Variants in NPHP3 observed in about 807,000 individuals in gnomAD.
NPHP3 encodes the protein nephrocystin-3.
Under a neutral mutation model 171.9 loss-of-function variants are expected in NPHP3, and 123 were observed. That is an observed-to-expected ratio of 0.72 (90% CI 0.62 to 0.83). The LOEUF is 0.83. Among genes scored for constraint, NPHP3 ranks in the 40% least tolerant of loss-of-function variants. The pLI is 0.00. For synonymous variants in NPHP3, 558 were observed against 579.2 expected, an observed-to-expected ratio of 0.96 and a Z score of 0.52; for missense variants, 1,506 against 1,591.9, an observed-to-expected ratio of 0.95 and a Z score of 0.92.
At chr3:132,720,358 G>T (rs1186001236) in intron 1 of NPHP3, among the ~76,000 whole-genome samples, 2 of 152,188 alleles carry the variant, frequency 1.3e-5, no homozygotes, top group African/African-American at 2.4e-5. Context: ...GTTTCACAGG[G>T]AATCAGGATT....
intron 9 of NPHP3, among the ~76,000 whole-genome samples, chr3:132,701,882 C>T (rs765478673): frequency 6.6e-6 from 1 of 152,004 alleles, no homozygotes; most frequent in Non-Finnish European, 1.5e-5. Flanking sequence ...CAAAATTAGC[C>T]GAGCGTGGTG....
At chr3:132,721,562 T>A (rs1366992224) in intron 1 of NPHP3, 2 of 324,550 alleles carry the variant, frequency 6.2e-6, no homozygotes, top group South Asian at 4.8e-5. Flanking sequence ...GGGGCGGCAG[T>A]GGAGCTGGAG....
Position 132,684,732 on chromosome 3 carries a change from T to C in NPHP3, c.3392A>G (p.His1131Arg). 2 of 1,614,066 alleles carry C rather than the reference T, an allele frequency of 1.2e-6. No homozygotes were observed. The highest frequency in any genetic ancestry group is 1.1e-5 in the South Asian group (1 of 91,082). Reference sequence around the variant, plus strand: ...ATTCAAAGACTGAGCACAGTCAGGGTGATCTGGTCCTAGAACTCGCTCCCT... The same window carrying C: ...ATTCAAAGACTGAGCACAGTCAGGGCGATCTGGTCCTAGAACTCGCTCCCT... Reference protein sequence around the residue: ...EMRERVLGPDHPDCAQSLNNL... With the variant: ...EMRERVLGPDRPDCAQSLNNL... The change falls in exon 24 of 27, where the codon CAC becomes CGC. Residue 1131 changes from histidine (H) to arginine (R), a missense_variant. Physicochemically the swap from His to Arg is conservative, Grantham distance 29. Coordinates refer to ENST00000337331, the MANE Select transcript of NPHP3 (RefSeq NM_153240.5).
chr3:132,681,926 T>C lies in NPHP3; in HGVS notation c.3977A>G (p.Gln1326Arg), dbSNP rs1299951778. The stretch of plus-strand genomic sequence containing the variant: ...CTGCTGCTATTACCTTTGTCCTTGC[T>C]GAAGGAAAACATTAGGAGAATGAGC... ...KTAHSPNVFL[Q>R]QGQR Residue 1326 changes from glutamine to arginine, a missense_variant, in exon 27 of 27, where the codon CAG (glutamine) becomes CGG (arginine). Coordinates refer to ENST00000337331, the MANE Select transcript of NPHP3 (RefSeq NM_153240.5). 6.2e-7 allele frequency: 1 copy of C among 1,614,070 alleles called. No individual in the cohort carries two copies.
At chr3:132,717,108 A>C in intron 3 of NPHP3, 199 bp from the exon 4 acceptor site, 1 of 557,458 alleles carries the variant, frequency 1.8e-6, no homozygotes. Context: ...TATCATCTCA[A>C]ATTCAAAGAG....
Position 132,690,432 on chromosome 3 carries a change from A to T in NPHP3, c.2693+96T>A. Reference sequence around the variant, plus strand: ...CACTATTTGTATTTCAGATACTTAGACTAATTTTTAAATTAAAAATACCAT... The same window carrying T: ...CACTATTTGTATTTCAGATACTTAGTCTAATTTTTAAATTAAAAATACCAT... On this transcript the variant is annotated intron_variant, in intron 19 of 26. Coordinates refer to ENST00000337331, the MANE Select transcript of NPHP3 (RefSeq NM_153240.5). The T allele has an allele frequency of 6.0e-6, 7 of 1,169,160 alleles. 1 individual carries two copies. In the South Asian group the frequency reaches 9.1e-5, roughly 15 times the overall value. The allele number at this position is 1,169,160 out of a possible 1,614,324, so 72.4% of individuals were successfully genotyped here.
intron 5 of NPHP3, among the ~76,000 whole-genome samples, chr3:132,713,798 T>C (rs770361552): frequency 6.6e-6 from 1 of 152,206 alleles, no homozygotes; most frequent in Non-Finnish European, 1.5e-5. Context: ...AAAATGTCGT[T>C]GGGAATAACA....
chr3:132,694,918 T>C lies in NPHP3; in HGVS notation c.2219A>G (p.Gln740Arg). Reference protein sequence around the residue: ...NLDKILHQCFQCQDTLSLYRL... With the variant: ...NLDKILHQCFRCQDTLSLYRL... Reference sequence around the variant, plus strand: ...ATATAATGAAAGAGTATCTTGACACTGGAAACACTGATGAAGGATTTTATC... The same window carrying C: ...ATATAATGAAAGAGTATCTTGACACCGGAAACACTGATGAAGGATTTTATC... Residue 740 changes from glutamine to arginine, a missense_variant, in exon 16 of 27, where the codon CAG (glutamine) becomes CGG (arginine). Transcript: ENST00000337331. 1 of 1,613,820 alleles carries C rather than the reference T, an allele frequency of 6.2e-7. No individual in the cohort carries two copies. The highest frequency in any genetic ancestry group is 1.3e-5 in the African/African-American group (1 of 75,046).
intron 6 of NPHP3, among the ~76,000 whole-genome samples, chr3:132,710,001 G>A (rs1438481795): frequency 6.6e-6 from 1 of 152,138 alleles, no homozygotes; most frequent in Non-Finnish European, 1.5e-5. Flanking sequence ...ACTGACCCAT[G>A]GGGCTCAGAT....
intron 14 of NPHP3, among the ~76,000 whole-genome samples, 175 bp from the exon 15 acceptor site, chr3:132,696,988 C>A (rs1939471008): frequency 6.6e-6 from 1 of 152,224 alleles, no homozygotes; most frequent in Non-Finnish European, 1.5e-5. Context: ...CTTCCAACTG[C>A]AGACCACAGA....
At chr3:132,696,590 A>G in intron 15 of NPHP3, 141 bp downstream of exon 15, 1 of 758,906 alleles carries the variant, frequency 1.3e-6, no homozygotes, top group Non-Finnish European at 2.4e-6. Flanking sequence ...TGTTCTCACA[A>G]ATGTTAGTAT....
intron 7 of NPHP3, among the ~76,000 whole-genome samples, chr3:132,706,585 G>C (rs923319115): frequency 6.6e-6 from 1 of 152,056 alleles, no homozygotes; most frequent in African/African-American, 2.4e-5. Flanking sequence ...TGCCCAATCT[G>C]TAAGAACATG....
chr3:132,692,790 T>C lies in NPHP3; in HGVS notation c.2339A>G (p.Asn780Ser), dbSNP rs1576666179. 4 of 1,614,036 alleles carry C rather than the reference T, an allele frequency of 2.5e-6. No homozygotes were observed. The highest frequency in any genetic ancestry group is 2.5e-6 in the Non-Finnish European group (3 of 1,179,934). ...QILCLVNVSH[N>S]GVSESELMEL... Reference sequence around the variant, plus strand: ...CATCAGTTCTGATTCACTCACACCATTGTGACTAACATTGACAAGGCAGAG... The same window carrying C: ...CATCAGTTCTGATTCACTCACACCACTGTGACTAACATTGACAAGGCAGAG... Residue 780 changes from asparagine (N) to serine (S), a missense_variant, in exon 17 of 27, where the codon AAT becomes AGT. Coordinates refer to ENST00000337331, the MANE Select transcript of NPHP3 (RefSeq NM_153240.5).
At chr3:132,702,861 G>T (rs765812992) in intron 9 of NPHP3, among the ~76,000 whole-genome samples, 7 of 152,042 alleles carry the variant, frequency 4.6e-5, no homozygotes, top group Non-Finnish European at 1.0e-4. Flanking sequence ...TTAGTTCATG[G>T]TCCCACAGAA....
chr3:132,701,908 C>G (rs1939619367), intron 9 of NPHP3, among the ~76,000 whole-genome samples: 2 of 152,124 alleles, frequency 1.3e-5, no homozygotes, highest in Non-Finnish European at 2.9e-5. Context: ...CGCCTGTAGT[C>G]CCAGCTACTC....
rs1380756803 is a variant in NPHP3, at chr3:132,716,810, T to G, written c.770A>C (p.Glu257Ala). 1 of 1,614,170 alleles carries G rather than the reference T, an allele frequency of 6.2e-7. No homozygotes were observed. The highest frequency in any genetic ancestry group is 8.5e-7 in the Non-Finnish European group (1 of 1,180,012). The change falls in exon 4 of 27, where the codon GAG becomes GCG. Residue 257 changes from glutamate to alanine, a missense_variant. Around this residue, in one of 3 missense-constraint regions of NPHP3, gnomAD observed 930 missense variants for 924.9 expected, o/e 1.01. Transcript: ENST00000337331. ...CACATCTATAGAACTATGGGCAAAC[T>G]CAGGGCCTCTGAAGGACTGCTGAAG... ...IQLQQSFRGP[E>A]FAHSSIDVEG...
rs573524220 is a variant in NPHP3, at chr3:132,706,700, A to G, written c.1276-886T>C. Among the ~76,000 whole-genome samples, 8 of 152,332 alleles carry G rather than the reference A, an allele frequency of 5.3e-5. No homozygotes were observed. The South Asian group carries it at 1.7e-3, about 32-fold the overall frequency. ...GATTTACCCTACATTTACATTTATA[A>G]TCATGGCAGAGAGATCTTATTTCAC... On this transcript the variant is annotated intron_variant, in intron 7 of 26. Transcript: ENST00000337331.
intron 3 of NPHP3, 55 bp downstream of exon 3, chr3:132,718,939 A>G (rs974537136): frequency 1.9e-6 from 3 of 1,583,368 alleles, no homozygotes; most frequent in Non-Finnish European, 2.6e-6. Flanking sequence ...AGTTGGCTCT[A>G]CATGTCATTA....
intron 26 of NPHP3, 110 bp downstream of exon 26, chr3:132,682,593 C>G: frequency 2.8e-6 from 2 of 720,526 alleles, no homozygotes. Context: ...AAAAAACAAC[C>G]CCTCCCCACT....
Sources: gnomAD v4.1 joint callset for allele counts (sites outside exome capture counted in the v4.1 genomes callset) on GRCh38, gnomAD v4.1.1 for gene constraint, gnomAD v4.1.1 regional missense constraint, MANE v1.5 for transcripts, NCBI Gene and HGNC (gene_info 2026-07-23, HGNC 2026-07-21) for gene names.